TMEM163: variants seen among roughly 807,000 people sequenced by gnomAD.
TMEM163 encodes transmembrane protein 163.
In TMEM163, 17 loss-of-function variants were observed where a neutral mutation model predicts 29.3. The observed-to-expected ratio is 0.58, with a 90% CI of 0.40 to 0.87. TMEM163 has a LOEUF of 0.87. Among genes scored for constraint, TMEM163 ranks in the 40% least tolerant of loss-of-function variants. The probability of loss-of-function intolerance (pLI) is 0.00; values close to 1 mark genes in which losing one functional copy is unlikely to be tolerated. For synonymous variants in TMEM163, 157 were observed against 160.6 expected, an observed-to-expected ratio of 0.98 and a Z score of 0.17; for missense variants, 303 against 381.5, an observed-to-expected ratio of 0.79 and a Z score of 1.71.
intron 2 of TMEM163, among the ~76,000 whole-genome samples, chr2:134,582,128 G>A (rs957280588): frequency 2.0e-5 from 3 of 152,190 alleles, no homozygotes; most frequent in South Asian, 2.1e-4. Context: ...GGGAAGACAA[G>A]AAGATCGCCA....
chr2:134,632,111 C>A (rs1438764630), intron 2 of TMEM163, among the ~76,000 whole-genome samples: 1 of 152,208 alleles, frequency 6.6e-6, no homozygotes, highest in Admixed American at 6.5e-5. Flanking sequence ...TTGAAAAGGG[C>A]TTTGCAAGAT....
intron 2 of TMEM163, among the ~76,000 whole-genome samples, chr2:134,661,162 G>GCT (rs10660772): frequency 6.1e-4 from 91 of 149,898 alleles, no homozygotes; most frequent in African/African-American, 6.8e-4. Context: ...GCTCTTGCTT[G>GCT]CTCTCTCTCT....
intron 2 of TMEM163, among the ~76,000 whole-genome samples, chr2:134,568,535 AAAAG>A (rs935867858): frequency 6.6e-6 from 1 of 151,962 alleles, no homozygotes; most frequent in Non-Finnish European, 1.5e-5. Flanking sequence ...AGAAAGAAAG[AAAAG>A]AAAGAGAAAG....
At chr2:134,534,120 A>C (rs1680476579) in intron 4 of TMEM163, among the ~76,000 whole-genome samples, 2 of 152,216 alleles carry the variant, frequency 1.3e-5, no homozygotes, top group Non-Finnish European at 2.9e-5. Context: ...AAAAGCAGCC[A>C]GCTCAGGGTG....
At chr2:134,692,513 C>T (rs574747005) in intron 2 of TMEM163, among the ~76,000 whole-genome samples, 2 of 152,198 alleles carry the variant, frequency 1.3e-5, no homozygotes, top group African/African-American at 2.4e-5. Context: ...ACTTCAACAC[C>T]ATGAATTTAT....
rs182071284 is a variant in TMEM163, at chr2:134,636,379, C to T, written c.322+76821G>A. On this transcript the variant is annotated intron_variant, in intron 2 of 7. Transcript: ENST00000281924. Reference sequence around the variant, plus strand: ...CTTGCCAAGGTTTCTTTAGGGAAAACGTAAACATGTACAGCAGCTCCTATA... The same window carrying T: ...CTTGCCAAGGTTTCTTTAGGGAAAATGTAAACATGTACAGCAGCTCCTATA... Among the ~76,000 whole-genome samples the T allele has an allele frequency of 5.9e-5, 9 of 152,316 alleles. No individual in the cohort carries two copies. In the East Asian group the frequency reaches 1.2e-3, roughly 20 times the overall value.
At chr2:134,598,252 T>C (rs913915513) in intron 2 of TMEM163, among the ~76,000 whole-genome samples, 1 of 152,194 alleles carries the variant, frequency 6.6e-6, no homozygotes, top group Non-Finnish European at 1.5e-5. Context: ...CCTTCCTTCA[T>C]TTCACCAGCT....
intron 5 of TMEM163, among the ~76,000 whole-genome samples, chr2:134,496,574 A>C (rs1479949273): frequency 6.6e-6 from 1 of 152,108 alleles, no homozygotes; most frequent in Non-Finnish European, 1.5e-5. Context: ...ATCCATGGGG[A>C]CTGGAGACCA....
intron 2 of TMEM163, among the ~76,000 whole-genome samples, chr2:134,611,436 C>T (rs775945132): frequency 1.3e-5 from 2 of 152,184 alleles, no homozygotes; most frequent in African/African-American, 2.4e-5. Context: ...ACAGCTATTT[C>T]TATGGAGTAC....
intron 2 of TMEM163, among the ~76,000 whole-genome samples, chr2:134,572,371 C>T (rs192082572): frequency 5.3e-5 from 8 of 152,346 alleles, no homozygotes; most frequent in Non-Finnish European, 2.9e-5. Context: ...TTACATCCCT[C>T]ACTTGAAAGT....
chr2:134,540,741 T>A (rs542346864), intron 4 of TMEM163, among the ~76,000 whole-genome samples: 1 of 152,346 alleles, frequency 6.6e-6, no homozygotes, highest in African/African-American at 2.4e-5. Flanking sequence ...ATAATACCTC[T>A]ACTTAACAGA....
At chr2:134,531,103 C>T (rs1016119753) in intron 4 of TMEM163, among the ~76,000 whole-genome samples, 21 of 152,106 alleles carry the variant, frequency 1.4e-4, no homozygotes, top group African/African-American at 4.8e-4. Flanking sequence ...TTTTAAAAGG[C>T]CACTGAAATA....
At chr2:134,715,232 A>G (rs1573558726) in intron 1 of TMEM163, among the ~76,000 whole-genome samples, 1 of 152,192 alleles carries the variant, frequency 6.6e-6, no homozygotes, top group East Asian at 1.9e-4. Context: ...TTTTCCATCC[A>G]AAGTCAGCTA....
intron 2 of TMEM163, among the ~76,000 whole-genome samples, chr2:134,616,705 T>C (rs1231757085): frequency 2.0e-5 from 3 of 152,214 alleles, no homozygotes; most frequent in Non-Finnish European, 4.4e-5. Flanking sequence ...CTGTGGATTG[T>C]ACCAATGTCA....
chr2:134,639,245 G>A (rs1406497681), intron 2 of TMEM163, among the ~76,000 whole-genome samples: 1 of 152,212 alleles, frequency 6.6e-6, no homozygotes, highest in Admixed American at 6.5e-5. Flanking sequence ...TCACAGGACA[G>A]GAAGACTGTT....
At chr2:134,688,998 AT>A (rs755165944) in intron 2 of TMEM163, among the ~76,000 whole-genome samples, 5 of 152,198 alleles carry the variant, frequency 3.3e-5, no homozygotes, top group Admixed American at 6.5e-5. Flanking sequence ...CTTATATTTT[AT>A]TACCAAGTAT....
chr2:134,647,554 G>A (rs1683361435), intron 2 of TMEM163, among the ~76,000 whole-genome samples: 1 of 152,118 alleles, frequency 6.6e-6, no homozygotes, highest in Non-Finnish European at 1.5e-5. Flanking sequence ...AAATTGTGGA[G>A]GTTATAGACT....
intron 2 of TMEM163, among the ~76,000 whole-genome samples, chr2:134,693,576 T>A (rs1453769721): frequency 1.6e-5 from 2 of 126,666 alleles, no homozygotes; most frequent in East Asian, 4.8e-4. Flanking sequence ...AACACTGCAC[T>A]CCAGCCTGGG....
chr2:134,708,817 T>A (rs1287250228), intron 2 of TMEM163, among the ~76,000 whole-genome samples: 1 of 152,112 alleles, frequency 6.6e-6, no homozygotes, highest in East Asian at 1.9e-4. Flanking sequence ...CTCAAACTCC[T>A]GACTTCATGA....
Sources: gnomAD v4.1 joint callset for allele counts (sites outside exome capture counted in the v4.1 genomes callset) on GRCh38, gnomAD v4.1.1 for gene constraint, MANE v1.5 for transcripts, NCBI Gene and HGNC (gene_info 2026-07-23, HGNC 2026-07-21) for gene names.